The following ITGA1 variants were observed in gnomAD, a reference collection of about 807,000 sequenced individuals.
The protein encoded by ITGA1 is integrin alpha-1.
In ITGA1, 85 loss-of-function variants were observed where a neutral mutation model predicts 145.9. The observed-to-expected ratio is 0.58, with a 90% CI of 0.49 to 0.70. The LOEUF is 0.70. ITGA1 is among the 30% of genes least tolerant of loss of function. The probability of loss-of-function intolerance (pLI) is 0.00; values close to 1 mark genes in which losing one functional copy is unlikely to be tolerated. For missense variants in ITGA1, 1,351 were observed against 1,418.7 expected, an observed-to-expected ratio of 0.95 and a Z score of 0.77; for synonymous variants, 520 against 495.3, an observed-to-expected ratio of 1.05 and a Z score of -0.66.
chr5:52,860,472 G>A (rs986162532), intron 2 of ITGA1, among the ~76,000 whole-genome samples: 20 of 152,352 alleles, frequency 1.3e-4, no homozygotes, highest in African/African-American at 4.8e-4. Flanking sequence ...CTTGGACCCA[G>A]GAGGCGGAGG....
intron 1 of ITGA1, among the ~76,000 whole-genome samples, chr5:52,813,958 T>C (rs1748723690): frequency 6.6e-6 from 1 of 152,176 alleles, no homozygotes; most frequent in African/African-American, 2.4e-5. Flanking sequence ...CTGTTATTAG[T>C]ACCTTGCAGT....
intron 8 of ITGA1, among the ~76,000 whole-genome samples, chr5:52,888,192 G>A (rs1750085135): frequency 6.6e-6 from 1 of 151,250 alleles, no homozygotes; most frequent in South Asian, 2.1e-4. Context: ...TTGAAAGGAA[G>A]GAAGGAAGGA....
At chr5:52,912,412 A>G (rs1750572339) in intron 14 of ITGA1, among the ~76,000 whole-genome samples, 2 of 146,294 alleles carry the variant, frequency 1.4e-5, no homozygotes, top group Non-Finnish European at 3.0e-5. Flanking sequence ...TGTATTATAT[A>G]TAGTGTATCC....
intron 7 of ITGA1, among the ~76,000 whole-genome samples, chr5:52,884,485 T>C (rs1178275199): frequency 1.3e-5 from 2 of 150,288 alleles, no homozygotes; most frequent in Non-Finnish European, 3.0e-5. Context: ...ACTTGTATAG[T>C]ATGTTAAAAA....
intron 1 of ITGA1, among the ~76,000 whole-genome samples, chr5:52,840,438 T>G (rs1372423297): frequency 6.6e-6 from 1 of 152,194 alleles, no homozygotes; most frequent in Non-Finnish European, 1.5e-5. Flanking sequence ...ACACACGAGT[T>G]GTGTTTCCCA....
At chr5:52,944,124 A>C (rs1050233394) in intron 26 of ITGA1, among the ~76,000 whole-genome samples, 2 of 152,052 alleles carry the variant, frequency 1.3e-5, no homozygotes, top group Non-Finnish European at 2.9e-5. Context: ...TCTCTGAAGG[A>C]GATGGGGAGT....
intron 1 of ITGA1, among the ~76,000 whole-genome samples, chr5:52,827,359 G>C (rs1418739732): frequency 6.6e-6 from 1 of 152,140 alleles, no homozygotes; most frequent in Non-Finnish European, 1.5e-5. Flanking sequence ...GGTGTCTTGA[G>C]ATGAAATCAA....
At chr5:52,932,004 C>A (rs1178551841) in intron 21 of ITGA1, 43 bp from the exon 22 acceptor site, 6 of 1,178,260 alleles carry the variant, frequency 5.1e-6, no homozygotes, top group African/African-American at 4.5e-5. Flanking sequence ...TTTAAATAGT[C>A]AAGATTTTAA....
At chr5:52,925,554 C>A in intron 19 of ITGA1, 67 bp downstream of exon 19, 1 of 1,165,518 alleles carries the variant, frequency 8.6e-7, no homozygotes, top group Non-Finnish European at 1.3e-6. Context: ...TTTCATGCTA[C>A]TGAGATAATT....
At chr5:52,831,090 T>C (rs1749054261) in intron 1 of ITGA1, among the ~76,000 whole-genome samples, 1 of 152,046 alleles carries the variant, frequency 6.6e-6, no homozygotes, top group Non-Finnish European at 1.5e-5. Context: ...TTTTAGGAAG[T>C]TTTTTACATA....
chr5:52,809,500 T>G (rs1483764252), intron 1 of ITGA1, among the ~76,000 whole-genome samples: 1 of 146,476 alleles, frequency 6.8e-6, no homozygotes, highest in Non-Finnish European at 1.5e-5. Context: ...CTCTCAACTT[T>G]ACTTTTTTTT....
intron 6 of ITGA1, among the ~76,000 whole-genome samples, chr5:52,870,800 G>C (rs1268790561): frequency 6.6e-6 from 1 of 152,220 alleles, no homozygotes; most frequent in Admixed American, 6.5e-5. Flanking sequence ...CCTCTGCAGA[G>C]AATGCAGAAG....
At chr5:52,936,897 G>T (rs1485759256) in intron 23 of ITGA1, among the ~76,000 whole-genome samples, 1 of 152,122 alleles carries the variant, frequency 6.6e-6, no homozygotes, top group Non-Finnish European at 1.5e-5. Context: ...TGGGAGTCTG[G>T]TTTTCCTGTA....
At position 52,952,480 on chromosome 5, in the gene ITGA1, T is replaced by A; in HGVS notation, c.*29T>A. On this transcript the variant is annotated 3_prime_UTR_variant, in exon 29 of 29. Transcript: ENST00000282588. The stretch of plus-strand genomic sequence containing the variant: ...ATTTTATGAAAGAAAATAATAACAA[T>A]TATTCAATAATCTATCCTCAGGTTT... 9.4e-7 allele frequency: 1 copy of A among 1,064,206 alleles called. No homozygotes were observed. The highest frequency in any genetic ancestry group is 1.4e-6 in the Non-Finnish European group (1 of 728,624). 65.9% of individuals were successfully genotyped at this position (1,064,206 alleles called of 1,614,324 possible).
intron 11 of ITGA1, among the ~76,000 whole-genome samples, chr5:52,901,551 A>G (rs1013561985): frequency 6.6e-6 from 1 of 152,212 alleles, no homozygotes; most frequent in African/African-American, 2.4e-5. Flanking sequence ...TGTGTATGAT[A>G]TTGTTGCCAC....
chr5:52,932,219 C>G lies in ITGA1; in HGVS notation c.2861+83C>G. 3.8e-6 allele frequency: 3 copies of G among 789,652 alleles called. No homozygotes were observed. In the South Asian group the frequency reaches 5.0e-5, roughly 13 times the overall value. The allele number at this position is 789,652 out of a possible 1,614,324, so 48.9% of individuals were successfully genotyped here. A position where few individuals can be genotyped will look rare whatever the true frequency, so the allele number is the denominator to read the frequency against. On this transcript the variant is annotated intron_variant, in intron 22 of 28. Transcript: ENST00000282588. ...AGTGTGGTCCCTGCCTGGCCAAGGG[C>G]ATCAGCATCACCTGGAAACTTGTTA...
intron 1 of ITGA1, among the ~76,000 whole-genome samples, chr5:52,811,904 G>A (rs1346845656): frequency 6.6e-6 from 1 of 152,022 alleles, no homozygotes; most frequent in Non-Finnish European, 1.5e-5. Flanking sequence ...AATCACCTAG[G>A]GAGTTTTAAA....
intron 23 of ITGA1, among the ~76,000 whole-genome samples, chr5:52,936,738 G>T (rs575783994): frequency 6.6e-6 from 1 of 152,158 alleles, no homozygotes; most frequent in Non-Finnish European, 1.5e-5. Flanking sequence ...ACTGGTAGCA[G>T]AACATGATAC....
chr5:52,895,270 G>A (rs1750208082), intron 9 of ITGA1, among the ~76,000 whole-genome samples: 1 of 152,084 alleles, frequency 6.6e-6, no homozygotes, highest in African/African-American at 2.4e-5. Context: ...TTTAGAAACA[G>A]AACACTCTAA....
Sources: allele counts gnomAD v4.1 joint callset (sites outside exome capture counted in the v4.1 genomes callset), GRCh38; gene constraint gnomAD v4.1.1; transcripts MANE v1.5; gene names NCBI Gene and HGNC (gene_info 2026-07-23, HGNC 2026-07-21).